The following ZFPM2 variants were observed in gnomAD, a reference collection of about 807,000 sequenced individuals.
ZFPM2 encodes zinc finger protein, FOG family member 2.
A neutral mutation model predicts 98.6 loss-of-function variants in ZFPM2; 20 were observed. That is an observed-to-expected ratio of 0.20 (90% CI 0.14 to 0.29). ZFPM2 has a LOEUF of 0.29. ZFPM2 is among the 10% of genes least tolerant of loss of function. The probability of loss-of-function intolerance (pLI) is 1.00; values close to 1 mark genes in which losing one functional copy is unlikely to be tolerated. For missense variants in ZFPM2, 1,310 were observed against 1,388.6 expected (o/e 0.94, Z 0.90); for synonymous variants, 518 against 502.7 (o/e 1.03, Z -0.41).
chr8:105,495,398 A>T (rs554648023), intron 3 of ZFPM2, among the ~76,000 whole-genome samples: 4 of 152,256 alleles, frequency 2.6e-5, no homozygotes, highest in South Asian at 4.2e-4. Flanking sequence ...AGTATAATTT[A>T]AAAAAAATTT....
chr8:105,779,587 C>T (rs1813196005), intron 5 of ZFPM2, among the ~76,000 whole-genome samples: 1 of 152,102 alleles, frequency 6.6e-6, no homozygotes, highest in African/African-American at 2.4e-5. Context: ...TAGGTATGGT[C>T]GAACAATATA....
chr8:105,393,332 CTT>C (rs1491220879), intron 1 of ZFPM2, among the ~76,000 whole-genome samples: 5 of 44,066 alleles, frequency 1.1e-4, no homozygotes, highest in African/African-American at 1.6e-4. Flanking sequence ...CTCTCTCTCT[CTT>C]TGCCTTTCTT....
At position 105,746,794 on chromosome 8, in the gene ZFPM2, C is replaced by T. The variant is rs77430629; in HGVS notation, c.533-41924C>T. Among the ~76,000 whole-genome samples, 299 of 151,302 alleles carry T rather than the reference C, an allele frequency of 2.0e-3. 7 individuals carry two copies. The East Asian group carries it at 0.051, about 26-fold the overall frequency. ...TCTGTTTCTCTTGTTAAGGCCGATG[C>T]GGTTTTTAAATGGACTGAAGGAAAC... On this transcript the variant is annotated intron_variant, in intron 5 of 7. Coordinates refer to ENST00000407775, the MANE Select transcript of ZFPM2 (RefSeq NM_012082.4).
chr8:105,509,826 TAAA>T, intron 3 of ZFPM2, among the ~76,000 whole-genome samples: 1 of 152,356 alleles, frequency 6.6e-6, no homozygotes, highest in Non-Finnish European at 1.5e-5. Context: ...TTGCTACTGC[TAAA>T]ATAAAGTTAA....
At chr8:105,441,275 A>T (rs1812232993) in intron 2 of ZFPM2, among the ~76,000 whole-genome samples, 1 of 151,608 alleles carries the variant, frequency 6.6e-6, no homozygotes, top group Admixed American at 6.6e-5. Flanking sequence ...AGGGACTGTC[A>T]TTTTCTGTAA....
intron 3 of ZFPM2, among the ~76,000 whole-genome samples, chr8:105,531,469 C>T (rs1465742657): frequency 6.6e-6 from 1 of 152,060 alleles, no homozygotes; most frequent in Non-Finnish European, 1.5e-5. Flanking sequence ...ATCTCATGAC[C>T]ATCTTCTTAT....
At chr8:105,788,664 A>G (rs1296180032) in intron 5 of ZFPM2, 54 bp from the exon 6 acceptor site, 1 of 1,557,410 alleles carries the variant, frequency 6.4e-7, no homozygotes, top group Non-Finnish European at 8.9e-7. Context: ...CTAGTTTACA[A>G]CAGACTCAAG....
At chr8:105,355,931 T>C (rs1410809053) in intron 1 of ZFPM2, among the ~76,000 whole-genome samples, 1 of 152,226 alleles carries the variant, frequency 6.6e-6, no homozygotes, top group Non-Finnish European at 1.5e-5. Context: ...AAATGTATGC[T>C]TCTTGTACTG....
rs1391535884 is a variant in ZFPM2 at position 105,803,613 on chromosome 8, C to CTGTT, written c.*78_*81dup. The CTGTT allele has an allele frequency of 1.2e-5, 17 of 1,429,686 alleles. 1 individual carries two copies. Among genetic ancestry groups the CTGTT allele is most frequent in the Middle Eastern group, 4.8e-4 (2 of 4,200 alleles). The allele number at this position is 1,429,686 out of a possible 1,614,324, so 88.6% of individuals were successfully genotyped here. On this transcript the variant is annotated 3_prime_UTR_variant, in exon 8 of 8. Coordinates refer to ENST00000407775, the MANE Select transcript of ZFPM2 (RefSeq NM_012082.4). ...TAACCAGTCCAGAAAAAAAAATAAG[C>CTGTT]TGTTTGAATTACATCTGGGCAATCA...
chr8:105,395,329 T>A (rs1811198504), intron 1 of ZFPM2, among the ~76,000 whole-genome samples: 1 of 152,270 alleles, frequency 6.6e-6, no homozygotes, highest in African/African-American at 2.4e-5. Flanking sequence ...AGTATTACCA[T>A]GTGTCGTCTC....
intron 2 of ZFPM2, among the ~76,000 whole-genome samples, chr8:105,443,866 A>G (rs1266677270): frequency 2.0e-5 from 3 of 152,318 alleles, no homozygotes; most frequent in East Asian, 3.9e-4. Flanking sequence ...AACCAAAACC[A>G]TAAATATGTC....
intron 4 of ZFPM2, among the ~76,000 whole-genome samples, chr8:105,565,334 TTTGTCCACACC>T (rs1815221763): frequency 6.6e-6 from 1 of 152,152 alleles, no homozygotes; most frequent in African/African-American, 2.4e-5. Context: ...TAGAGTATCT[TTTGTCCACACC>T]TTATTATCTT....
chr8:105,325,937 ATTC>A (rs1282473452), intron 1 of ZFPM2, among the ~76,000 whole-genome samples: 1 of 151,790 alleles, frequency 6.6e-6, no homozygotes, highest in Non-Finnish European at 1.5e-5. Flanking sequence ...ATAAAAGGCT[ATTC>A]TTTTTTCTCT....
intron 6 of ZFPM2, among the ~76,000 whole-genome samples, chr8:105,792,986 T>C (rs1324446675): frequency 6.6e-6 from 1 of 152,226 alleles, no homozygotes; most frequent in Non-Finnish European, 1.5e-5. Context: ...TGTCTCTGCA[T>C]GTGAGATGGG....
At chr8:105,395,146 G>A (rs1421316520) in intron 1 of ZFPM2, among the ~76,000 whole-genome samples, 1 of 152,072 alleles carries the variant, frequency 6.6e-6, no homozygotes, top group Non-Finnish European at 1.5e-5. Context: ...TGTCCCCAGG[G>A]CCCAACCAAA....
chr8:105,491,587 A>G (rs1373170289), intron 3 of ZFPM2, among the ~76,000 whole-genome samples: 1 of 152,186 alleles, frequency 6.6e-6, no homozygotes, highest in Non-Finnish European at 1.5e-5. Context: ...AACTCATCTA[A>G]CAATAATAAC....
intron 4 of ZFPM2, chr8:105,616,571 A>G (rs1439119622): frequency 9.3e-6 from 2 of 214,210 alleles, no homozygotes; most frequent in African/African-American, 4.7e-5. Context: ...AGTACACACA[A>G]TAATTATAAA....
At chr8:105,561,524 G>A in intron 4 of ZFPM2, 43 bp downstream of exon 4, 1 of 1,443,206 alleles carries the variant, frequency 6.9e-7, no homozygotes, top group Non-Finnish European at 9.5e-7. Context: ...GTCATCGACT[G>A]TTAGTATTTT....
chr8:105,330,541 TATATATATATAC>T lies in ZFPM2; in HGVS notation c.40+11572_40+11583del, dbSNP rs1563606426. Among the ~76,000 whole-genome samples, 370 of 82,466 alleles carry T rather than the reference TATATATATATAC, an allele frequency of 4.5e-3. 6 individuals are homozygous for T. Among genetic ancestry groups the T allele is most frequent in the African/African-American group, 0.015 (347 of 22,946 alleles). 54.1% of individuals were successfully genotyped at this position (82,466 alleles called of 152,430 possible). ...AACAATTTCTCTCTCTCTCTCTCTA[TATATATATATAC>T]ATATATATATATATACATATATATA... On this transcript the variant is annotated intron_variant, in intron 1 of 7. Transcript: ENST00000407775.
Sources: allele counts gnomAD v4.1 joint callset (sites outside exome capture counted in the v4.1 genomes callset), GRCh38; gene constraint gnomAD v4.1.1; transcripts MANE v1.5; gene names NCBI Gene and HGNC (gene_info 2026-07-23, HGNC 2026-07-21).